The following KIF6 variants were observed in gnomAD, a reference collection of about 807,000 sequenced individuals.
KIF6 encodes kinesin-like protein KIF6.
KIF6 carries 106 observed loss-of-function variants against 112.7 expected under a neutral mutation model. The observed-to-expected ratio is 0.94, with a 90% CI of 0.80 to 1.11. The LOEUF (loss-of-function observed/expected upper bound fraction) is 1.11. Ranked by LOEUF, KIF6 falls within the 50% of genes least tolerant of loss-of-function variation. KIF6 has a pLI of 0.00. For synonymous variants in KIF6, 339 were observed against 339.9 expected (o/e 1.00, Z 0.03); for missense variants, 929 against 964.0 (o/e 0.96, Z 0.48).
chr6:39,394,365 CAT>C (rs907547510), intron 15 of KIF6, among the ~76,000 whole-genome samples: 2 of 152,232 alleles, frequency 1.3e-5, no homozygotes, highest in Admixed American at 1.3e-4. Context: ...ACCTGCCACA[CAT>C]GTGATGTCAT....
chr6:39,495,254 T>C (rs1265473081), intron 13 of KIF6, among the ~76,000 whole-genome samples: 4 of 152,074 alleles, frequency 2.6e-5, no homozygotes, highest in African/African-American at 9.7e-5. Context: ...CATACCAAAG[T>C]GGAGCTAGAA....
intron 3 of KIF6, among the ~76,000 whole-genome samples, chr6:39,692,131 G>C (rs1206504018): frequency 6.6e-6 from 1 of 152,196 alleles, no homozygotes; most frequent in Non-Finnish European, 1.5e-5. Context: ...CCTGGCAACA[G>C]AGCGAGACTC....
chr6:39,507,257 T>A (rs1187644221), intron 13 of KIF6, among the ~76,000 whole-genome samples: 1 of 152,154 alleles, frequency 6.6e-6, no homozygotes, highest in African/African-American at 2.4e-5. Flanking sequence ...GAATTAAATG[T>A]AGGATGCTCA....
chr6:39,643,174 T>C (rs1028611447), intron 3 of KIF6, among the ~76,000 whole-genome samples: 1 of 152,138 alleles, frequency 6.6e-6, no homozygotes, highest in African/African-American at 2.4e-5. Context: ...TACTATAAAA[T>C]TATGGGAAGT....
intron 18 of KIF6, among the ~76,000 whole-genome samples, chr6:39,359,205 A>T (rs1439089441): frequency 6.6e-6 from 1 of 152,176 alleles, no homozygotes; most frequent in Non-Finnish European, 1.5e-5. Flanking sequence ...ATCAGTAAGC[A>T]TTCTGCCAGC....
intron 2 of KIF6, among the ~76,000 whole-genome samples, chr6:39,717,653 A>G (rs1789940157): frequency 6.6e-6 from 1 of 152,084 alleles, no homozygotes; most frequent in Non-Finnish European, 1.5e-5. Flanking sequence ...CTAAAATGTA[A>G]GCTCCCTAAG....
rs568247510 is a variant in KIF6 at position 39,667,177 on chromosome 6, A to G, written c.252-27420T>C. ...AAATGAGAGAGGATTTATTAGGGGA[A>G]AGGCTCACACAATTATGGTGACTGA... On this transcript the variant is annotated intron_variant, in intron 3 of 22. Transcript: ENST00000287152. Among the ~76,000 whole-genome samples, 32 of 152,164 alleles carry G rather than the reference A, an allele frequency of 2.1e-4. No individual in the cohort carries two copies. In the East Asian group the frequency reaches 5.6e-3, roughly 27 times the overall value.
intron 15 of KIF6, among the ~76,000 whole-genome samples, chr6:39,395,521 C>T (rs1581757739): frequency 6.6e-6 from 1 of 152,350 alleles, no homozygotes; most frequent in East Asian, 1.9e-4. Context: ...ATATAACCAG[C>T]TTCCAAGGCC....
chr6:39,388,063 A>G (rs1767572230), intron 15 of KIF6, among the ~76,000 whole-genome samples: 1 of 152,100 alleles, frequency 6.6e-6, no homozygotes. Context: ...CCTTTAGAGC[A>G]CACACTGGTT....
intron 3 of KIF6, among the ~76,000 whole-genome samples, chr6:39,664,279 C>T (rs1045127296): frequency 5.9e-5 from 9 of 152,112 alleles, no homozygotes; most frequent in African/African-American, 2.2e-4. Context: ...ATCACCATTT[C>T]TGGAAACATC....
At chr6:39,418,285 G>A (rs1020214771) in intron 15 of KIF6, among the ~76,000 whole-genome samples, 1 of 152,092 alleles carries the variant, frequency 6.6e-6, no homozygotes, top group African/African-American at 2.4e-5. Context: ...TTGTGCCAGC[G>A]ATCTTCTGGC....
intron 3 of KIF6, among the ~76,000 whole-genome samples, chr6:39,676,062 G>GA (rs3048078): frequency 0.096 from 13,972 of 145,528 alleles, 749 homozygotes; most frequent in South Asian, 0.17. Flanking sequence ...AGGAAATATG[G>GA]AAAAAAAAAA....
intron 12 of KIF6, 148 bp from the exon 13 acceptor site, chr6:39,540,369 T>C: frequency 1.7e-6 from 1 of 603,876 alleles, no homozygotes; most frequent in Non-Finnish European, 2.9e-6. Context: ...AAGCCCCATA[T>C]ATAGCAATGG....
intron 13 of KIF6, among the ~76,000 whole-genome samples, chr6:39,525,812 A>AATAG (rs1261721818): frequency 5.1e-5 from 5 of 97,724 alleles, no homozygotes; most frequent in Non-Finnish European, 1.1e-4. Context: ...TAAATAGATA[A>AATAG]ATAAATAAAT....
Position 39,628,245 on chromosome 6 carries a change from C to CGTGT in KIF6, c.509+6600_509+6603dup, listed in dbSNP as rs140599243. ...TTCCAGTTTTGCTTGTACTCATTTA[C>CGTGT]GTGTGTGTGTGTGTGTGTGTGTATA... On this transcript the variant is annotated intron_variant, in intron 5 of 22. Coordinates refer to ENST00000287152, the MANE Select transcript of KIF6 (RefSeq NM_145027.6). Among the ~76,000 whole-genome samples, 57 of 149,138 alleles carry CGTGT rather than the reference C, an allele frequency of 3.8e-4. No individual in the cohort carries two copies. In the East Asian group the frequency reaches 7.8e-3, roughly 20 times the overall value.
At chr6:39,353,924 C>A in intron 19 of KIF6, 2 of 569,196 alleles carry the variant, frequency 3.5e-6, no homozygotes, top group East Asian at 6.0e-5. Context: ...TGCCCAGACC[C>A]ATGGGGGTGC....
rs556388892 is a variant in KIF6, at chr6:39,431,320, G to A, written c.1646-159C>T. 1.3e-4 allele frequency: 78 copies of A among 586,812 alleles called. 1 individual carries two copies. In the Middle Eastern group the frequency reaches 1.6e-3, roughly 12 times the overall value. 36.4% of individuals were successfully genotyped at this position (586,812 alleles called of 1,614,324 possible). On this transcript the variant is annotated intron_variant, in intron 13 of 22. Transcript: ENST00000287152. ...TGGCCCCAGGCTCTTCCAGCTGGCT[G>A]ACAACCTGCTGAGGAGGCCCTTCCA...
intron 15 of KIF6, among the ~76,000 whole-genome samples, chr6:39,414,356 A>G (rs1223045141): frequency 1.3e-5 from 2 of 152,224 alleles, no homozygotes; most frequent in Non-Finnish European, 2.9e-5. Context: ...GGAATTGTAT[A>G]CAGCCTGAGA....
chr6:39,346,132 CCTCTCTCTCTCTCT>C (rs779814201), intron 20 of KIF6, among the ~76,000 whole-genome samples: 4 of 26,916 alleles, frequency 1.5e-4, no homozygotes, highest in Non-Finnish European at 2.9e-4. Context: ...CCTCCCTCTC[CCTCTCTCTCTCTCT>C]CTCTCTCTCT....
Sources: gnomAD v4.1 joint callset for allele counts (sites outside exome capture counted in the v4.1 genomes callset) on GRCh38, gnomAD v4.1.1 for gene constraint, MANE v1.5 for transcripts, NCBI Gene and HGNC (gene_info 2026-07-23, HGNC 2026-07-21) for gene names.